Variants in EIF3A observed in about 807,000 individuals in gnomAD.
EIF3A encodes the protein EIF3, p180 subunit.
Under a neutral mutation model 186.6 loss-of-function variants are expected in EIF3A, and 21 were observed. The observed-to-expected ratio is 0.11, with a 90% CI of 0.08 to 0.16. The LOEUF (loss-of-function observed/expected upper bound fraction) is 0.16, where lower values mean the gene tolerates loss of function less well. EIF3A is among the 10% of genes least tolerant of loss of function. The probability of loss-of-function intolerance (pLI) is 1.00; values close to 1 mark genes in which losing one functional copy is unlikely to be tolerated. For missense variants in EIF3A, 1,306 were observed against 1,796.3 expected (o/e 0.73, Z 4.93); for synonymous variants, 563 against 584.3 (o/e 0.96, Z 0.52).
intron 14 of EIF3A, among the ~76,000 whole-genome samples, chr10:119,053,743 G>GT (rs1848389527): frequency 6.6e-6 from 1 of 152,042 alleles, no homozygotes; most frequent in South Asian, 2.1e-4. Context: ...AAAGTCTGTT[G>GT]TTTAAGTGTA....
intron 19 of EIF3A, 121 bp from the exon 20 acceptor site, chr10:119,038,560 A>G (rs1848167061): frequency 2.5e-6 from 2 of 784,966 alleles, no homozygotes; most frequent in Admixed American, 2.5e-5. Flanking sequence ...TAAGACACTG[A>G]TTAAAAAAAT....
At chr10:119,055,991 G>A (rs749602596) in intron 14 of EIF3A, among the ~76,000 whole-genome samples, 3 of 152,006 alleles carry the variant, frequency 2.0e-5, no homozygotes, top group Non-Finnish European at 4.4e-5. Context: ...AAAAAAAAAT[G>A]GGAAGGGCTG....
At chr10:119,045,072 G>C (rs1457459569) in intron 17 of EIF3A, among the ~76,000 whole-genome samples, 1 of 151,518 alleles carries the variant, frequency 6.6e-6, no homozygotes, top group Non-Finnish European at 1.5e-5. Flanking sequence ...AGCCTCCCAG[G>C]TAGCTAGGAC....
rs141724775 is a variant in EIF3A, at chr10:119,044,586, C to T, written c.2659-444G>A. 6.7e-3 allele frequency among the ~76,000 whole-genome samples: 1,025 copies of T among 152,334 alleles called. 9 individuals are homozygous for T. The highest frequency in any genetic ancestry group is 0.023 in the African/African-American group (965 of 41,576). On this transcript the variant is annotated intron_variant, in intron 17 of 21. Transcript: ENST00000369144. ...CTGATGGGCCGGGCGCGGTGGCTCACGCCTGTAATCCCAGCAGTTTGGAAG... is the reference window on the plus strand; with the variant it reads ...CTGATGGGCCGGGCGCGGTGGCTCATGCCTGTAATCCCAGCAGTTTGGAAG...
intron 1 of EIF3A, among the ~76,000 whole-genome samples, chr10:119,078,223 A>G (rs1185205496): frequency 6.6e-6 from 1 of 152,174 alleles, no homozygotes; most frequent in Non-Finnish European, 1.5e-5. Context: ...TGGCACCACT[A>G]ATGATATAAT....
intron 4 of EIF3A, among the ~76,000 whole-genome samples, chr10:119,072,207 T>TAAAAA (rs1243808164): frequency 2.4e-5 from 2 of 82,498 alleles, no homozygotes; most frequent in African/African-American, 1.0e-4. Flanking sequence ...AAAAATAAAT[T>TAAAAA]AAAAAAAAAA....
intron 21 of EIF3A, 69 bp from the exon 22 acceptor site, chr10:119,036,337 T>C: frequency 1.0e-6 from 1 of 987,958 alleles, no homozygotes; most frequent in Non-Finnish European, 1.5e-6. Context: ...TTACTCAAAA[T>C]TCCTGTACTA....
At chr10:119,072,784 A>G (rs1238846033) in intron 4 of EIF3A, 106 bp downstream of exon 4, 8 of 1,362,352 alleles carry the variant, frequency 5.9e-6, no homozygotes, top group Non-Finnish European at 8.0e-6. Flanking sequence ...GTGAATGCCA[A>G]CATTTCAATA....
intron 3 of EIF3A, 142 bp from the exon 4 acceptor site, chr10:119,073,195 C>A (rs1844106578): frequency 2.6e-6 from 2 of 781,890 alleles, no homozygotes; most frequent in South Asian, 1.9e-5. Flanking sequence ...ACTATCTACT[C>A]CCTGAATTCC....
rs1336808201 is a variant in EIF3A at position 119,042,552 on chromosome 10, G to A, written c.2968C>T (p.Arg990Cys). The A allele has an allele frequency of 1.9e-6, 3 of 1,613,886 alleles. No individual in the cohort carries two copies. Among genetic ancestry groups the A allele is most frequent in the Middle Eastern group, 1.6e-4 (1 of 6,084 alleles). ...GGAGGCCTGTCATCATCTGTGTTAC[G>A]CCAGGAAGGCCGGTCATCGTCTGCC... Reference protein sequence around the residue: ...RGADDDRPSWRNTDDDRPPRR... With the variant: ...RGADDDRPSWCNTDDDRPPRR... Residue 990 changes from arginine (R) to cysteine (C), a missense_variant, in exon 19 of 22, where the codon CGT becomes TGT. By Grantham distance (180) the Arg-to-Cys change is radical. Around this residue, in one of 8 missense-constraint regions of EIF3A, gnomAD observed 410 missense variants for 473.5 expected, o/e 0.87. Coordinates refer to ENST00000369144, the MANE Select transcript of EIF3A (RefSeq NM_003750.4). The surrounding 1 kb of genome is among the most constrained non-coding windows in gnomAD (Gnocchi z 7.8).
chr10:119,079,277 G>A (rs1844224726), intron 1 of EIF3A, among the ~76,000 whole-genome samples: 1 of 152,036 alleles, frequency 6.6e-6, no homozygotes, highest in Non-Finnish European at 1.5e-5. Context: ...CACACAATGT[G>A]GAATTATCCT....
intron 4 of EIF3A, 138 bp downstream of exon 4, chr10:119,072,752 G>A (rs1844099109): frequency 8.6e-6 from 9 of 1,050,008 alleles, no homozygotes; most frequent in African/African-American, 1.6e-5. Context: ...ACCACATCCG[G>A]CCGCAGTCAT....
chr10:119,056,963 T>G lies in EIF3A; in HGVS notation c.2055A>C (p.Gln685His). 6.2e-7 allele frequency: 1 copy of G among 1,613,056 alleles called. No individual in the cohort carries two copies. Among genetic ancestry groups the G allele is most frequent in the Non-Finnish European group, 8.5e-7 (1 of 1,179,380 alleles). Reference sequence around the variant, plus strand: ...TCTTTTCTTGATTCTTTAGGCGTTCTTGAAGTTCTTTCTTTTCTTTCTCCA... The same window carrying G: ...TCTTTTCTTGATTCTTTAGGCGTTCGTGAAGTTCTTTCTTTTCTTTCTCCA... ...EQLEKEKKEL[Q>H]ERLKNQEKKI... The change falls in exon 13 of 22, where the codon CAA (glutamine) becomes CAC (histidine). Residue 685 changes from glutamine (Q) to histidine (H), a missense_variant. Physicochemically the swap from Gln to His is conservative, Grantham distance 24 (BLOSUM62 0). Transcript: ENST00000369144.
intron 14 of EIF3A, among the ~76,000 whole-genome samples, chr10:119,054,847 A>T (rs1468467832): frequency 1.3e-5 from 2 of 152,232 alleles, no homozygotes; most frequent in Non-Finnish European, 2.9e-5. Flanking sequence ...AAAGTGAGAC[A>T]GGTGACTCTT....
chr10:119,075,879 A>ATTTTTTTTTTTTT (rs58100835), intron 1 of EIF3A, among the ~76,000 whole-genome samples: 5 of 94,070 alleles, frequency 5.3e-5, no homozygotes, highest in Admixed American at 1.4e-4. Flanking sequence ...CGCCTGGCTA[A>ATTTTTTTTTTTTT]TTTTTTTTTT....
chr10:119,037,361 T>C (rs762481534), intron 20 of EIF3A, 52 bp from the exon 21 acceptor site: 5 of 1,489,212 alleles, frequency 3.4e-6, no homozygotes, highest in Non-Finnish European at 4.7e-6. Context: ...ACCAAATGGA[T>C]AATTATAAGT....
At chr10:119,050,727 C>A in intron 15 of EIF3A, 53 bp from the exon 16 acceptor site, 1 of 1,594,142 alleles carries the variant, frequency 6.3e-7, no homozygotes, top group Non-Finnish European at 8.6e-7. Context: ...TCAAGAGCAA[C>A]AAACTCGCAG....
chr10:119,056,910 A>G (rs1287336858), intron 13 of EIF3A, 26 bp downstream of exon 13: 2 of 1,593,192 alleles, frequency 1.3e-6, no homozygotes, highest in East Asian at 2.2e-5. Flanking sequence ...TTGGTATGTT[A>G]AAGGTTTACC....
intron 14 of EIF3A, among the ~76,000 whole-genome samples, chr10:119,055,217 T>C (rs953624753): frequency 1.3e-5 from 2 of 152,004 alleles, no homozygotes; most frequent in African/African-American, 2.4e-5. Flanking sequence ...CTCAAATAAA[T>C]ATATACATAT....
Sources: allele counts gnomAD v4.1 joint callset (sites outside exome capture counted in the v4.1 genomes callset), GRCh38; gene constraint gnomAD v4.1.1; regional missense constraint gnomAD v4.1.1; non-coding constraint Gnocchi (gnomAD v3.1); transcripts MANE v1.5; gene names NCBI Gene and HGNC (gene_info 2026-07-23, HGNC 2026-07-21).